Variants in UGT8 observed in about 807,000 individuals in gnomAD.
UGT8 encodes UDP glycosyltransferase 8, also known as 2-hydroxyacylsphingosine 1-beta-galactosyltransferase.
A neutral mutation model predicts 40.5 loss-of-function variants in UGT8; 12 were observed. That is an observed-to-expected ratio of 0.30 (90% CI 0.19 to 0.48). The LOEUF is 0.48. Ranked by LOEUF, UGT8 falls within the 20% of genes least tolerant of loss-of-function variation. The pLI, the probability that UGT8 is intolerant of heterozygous loss-of-function variation, is 0.99. For synonymous variants in UGT8, 224 were observed against 240.4 expected (o/e 0.93, Z 0.63); for missense variants, 513 against 648.7 (o/e 0.79, Z 2.27).
chr4:114,668,057 A>T, intron 4 of UGT8, 28 bp from the exon 5 acceptor site: 7 of 1,608,312 alleles, frequency 4.4e-6, no homozygotes, highest in Non-Finnish European at 5.9e-6. Context: ...TAATGTTGTA[A>T]GTTGTTTTCT....
chr4:114,649,793 A>G (rs966253279), intron 2 of UGT8, among the ~76,000 whole-genome samples: 4 of 151,760 alleles, frequency 2.6e-5, no homozygotes, highest in Non-Finnish European at 4.4e-5. Context: ...TGATCTACCT[A>G]TGTTTGTTTT....
chr4:114,653,566 C>T (rs572996589), intron 2 of UGT8, among the ~76,000 whole-genome samples: 1 of 151,960 alleles, frequency 6.6e-6, no homozygotes, highest in East Asian at 1.9e-4. Context: ...TCTTTAGTTG[C>T]CAATGAATTT....
intron 5 of UGT8, among the ~76,000 whole-genome samples, chr4:114,669,522 C>T (rs1002291323): frequency 5.3e-5 from 8 of 151,890 alleles, no homozygotes; most frequent in African/African-American, 1.9e-4. Context: ...TATGGGGAAA[C>T]AGTTGCAGAA....
intron 3 of UGT8, among the ~76,000 whole-genome samples, chr4:114,665,005 T>A (rs543017475): frequency 1.1e-4 from 17 of 152,354 alleles, no homozygotes; most frequent in African/African-American, 4.1e-4. Flanking sequence ...TCCCTTCAGA[T>A]TCGAGTCCCA....
intron 2 of UGT8, among the ~76,000 whole-genome samples, chr4:114,634,140 G>A (rs1732747336): frequency 6.6e-6 from 1 of 152,106 alleles, no homozygotes; most frequent in African/African-American, 2.4e-5. Context: ...GTGATGGGCG[G>A]TTCTAAAAAA....
At chr4:114,660,713 A>T (rs1360095507) in intron 2 of UGT8, among the ~76,000 whole-genome samples, 1 of 151,996 alleles carries the variant, frequency 6.6e-6, no homozygotes, top group Non-Finnish European at 1.5e-5. Context: ...TAACACGGTG[A>T]AACCCCATCT....
Position 114,623,349 on chromosome 4 carries a change from G to A in UGT8, c.469G>A (p.Val157Ile). The stretch of plus-strand genomic sequence containing the variant: ...TCATCTTTTAGGGGTTAAATATGCT[G>A]TATTTTCAACTGGCCTTTGGTATCC... ...IAHLLGVKYA[V>I]FSTGLWYPAE... is the part of the protein sequence containing the mutation. Residue 157 changes from valine (V) to isoleucine (I), a missense_variant, in exon 2 of 6, where the codon GTA (valine) becomes ATA (isoleucine). Around this residue, in one of 3 missense-constraint regions of UGT8, gnomAD observed 335 missense variants for 444.8 expected, o/e 0.75. Coordinates refer to ENST00000310836, the MANE Select transcript of UGT8 (RefSeq NM_001128174.3). 1 of 1,614,134 alleles carries A rather than the reference G, an allele frequency of 6.2e-7. No homozygotes were observed. The highest frequency in any genetic ancestry group is 8.5e-7 in the Non-Finnish European group (1 of 1,180,016).
At chr4:114,603,295 G>T (rs554940268) in intron 1 of UGT8, among the ~76,000 whole-genome samples, 2 of 152,178 alleles carry the variant, frequency 1.3e-5, no homozygotes, top group Non-Finnish European at 2.9e-5. Context: ...TGAGCACAGA[G>T]GTCCTGGGCT....
At chr4:114,646,794 A>C (rs973879024) in intron 2 of UGT8, among the ~76,000 whole-genome samples, 58 of 152,288 alleles carry the variant, frequency 3.8e-4, no homozygotes, top group African/African-American at 1.3e-3. Flanking sequence ...AGAAATGACA[A>C]TATTTTTTGT....
rs1734787062 is a variant in UGT8 at position 114,665,301 on chromosome 4, C to G, written c.966-379C>G. 3 of 751,460 alleles carry G rather than the reference C, an allele frequency of 4.0e-6. No individual in the cohort carries two copies. In the Admixed American group the frequency reaches 1.9e-4, roughly 47 times the overall value. The allele number at this position is 751,460 out of a possible 1,614,324, so 46.5% of individuals were successfully genotyped here. On this transcript the variant is annotated intron_variant, in intron 3 of 5. Transcript: ENST00000310836. ...GATTTAGGGATATTGACTGCCATAG[C>G]AGTGGCAGCTCTCCCTGCTCCTTCT...
At position 114,665,768 on chromosome 4, in the gene UGT8, A is replaced by T; in HGVS notation, c.1042+12A>T. On this transcript the variant is annotated intron_variant, in intron 4 of 5. Coordinates refer to ENST00000310836, the MANE Select transcript of UGT8 (RefSeq NM_001128174.3). ...AAATGACCTGCTTGGTAAGTCAATG[A>T]TGTGTGGTTACTTACTTGGCTGTTA... The T allele has an allele frequency of 1.9e-6, 3 of 1,586,298 alleles. No individual in the cohort carries two copies. The highest frequency in any genetic ancestry group is 2.6e-6 in the Non-Finnish European group (3 of 1,165,808).
At chr4:114,654,280 C>G (rs1414102723) in intron 2 of UGT8, among the ~76,000 whole-genome samples, 1 of 151,422 alleles carries the variant, frequency 6.6e-6, no homozygotes, top group Non-Finnish European at 1.5e-5. Flanking sequence ...TCTCCCTGAT[C>G]TTTATGAGAA....
chr4:114,613,573 T>C (rs75563007), intron 1 of UGT8, among the ~76,000 whole-genome samples: 8,829 of 152,272 alleles, frequency 0.058, 358 homozygotes, highest in East Asian at 0.14. Context: ...TGGGGCTATG[T>C]GCATTATATT....
intron 2 of UGT8, among the ~76,000 whole-genome samples, chr4:114,642,746 T>C (rs2126115002): frequency 6.6e-6 from 1 of 152,298 alleles, no homozygotes; most frequent in East Asian, 1.9e-4. Context: ...AAAATGTATT[T>C]CAAAAAAATT....
intron 2 of UGT8, among the ~76,000 whole-genome samples, chr4:114,624,297 TAAGA>T (rs1446319771): frequency 6.6e-6 from 1 of 152,246 alleles, no homozygotes; most frequent in Non-Finnish European, 1.5e-5. Flanking sequence ...AATGGCACTT[TAAGA>T]AACTCTGTTC....
intron 1 of UGT8, 102 bp from the exon 2 acceptor site, chr4:114,622,769 TAGACAAAG>T: frequency 1.9e-6 from 2 of 1,045,840 alleles, no homozygotes; most frequent in Non-Finnish European, 1.3e-6. Flanking sequence ...ATTTTTTTTT[TAGACAAAG>T]TATTAGATCA....
chr4:114,600,985 T>C (rs1578393405), intron 1 of UGT8, among the ~76,000 whole-genome samples: 1 of 152,308 alleles, frequency 6.6e-6, no homozygotes, highest in African/African-American at 2.4e-5. Context: ...TAAAGCATAG[T>C]GCCCCGATAT....
Position 114,676,637 on chromosome 4 carries a change from G to A in UGT8, c.*349G>A, listed in dbSNP as rs1409655874. The A allele has an allele frequency of 4.7e-6, 1 of 211,046 alleles. No homozygotes were observed. 13.1% of individuals were successfully genotyped at this position (211,046 alleles called of 1,614,324 possible). A position where few individuals can be genotyped will look rare whatever the true frequency, so the allele number is the denominator to read the frequency against. On this transcript the variant is annotated 3_prime_UTR_variant, in exon 6 of 6. Transcript: ENST00000310836. ...TCATTTTTCTTAATAATGTGTGTGT[G>A]TGTATGTGTGTGTGTGTGTGTGTGT...
chr4:114,671,810 G>T (rs1735302781), intron 5 of UGT8, among the ~76,000 whole-genome samples: 1 of 152,160 alleles, frequency 6.6e-6, no homozygotes. Context: ...TGCAACAAAA[G>T]CCAAAATTGA....
Sources: allele counts gnomAD v4.1 joint callset (sites outside exome capture counted in the v4.1 genomes callset), GRCh38; gene constraint gnomAD v4.1.1; regional missense constraint gnomAD v4.1.1; transcripts MANE v1.5; gene names NCBI Gene and HGNC (gene_info 2026-07-23, HGNC 2026-07-21).